Variants in ISLR2 observed in about 807,000 individuals in gnomAD.
ISLR2 encodes the protein immunoglobulin superfamily containing leucine-rich repeat protein 2.
A neutral mutation model predicts 25.5 loss-of-function variants in ISLR2; 16 were observed. The observed-to-expected ratio is 0.63, with a 90% CI of 0.43 to 0.95. ISLR2 has a LOEUF of 0.95. Among genes scored for constraint, ISLR2 ranks in the 40% least tolerant of loss-of-function variants. ISLR2 has a pLI of 0.00. For missense variants in ISLR2, 883 were observed against 1,030.7 expected (o/e 0.86, Z 1.96); for synonymous variants, 508 against 486.6 (o/e 1.04, Z -0.58).
intron 2 of ISLR2, among the ~76,000 whole-genome samples, chr15:74,107,724 C>T (rs2141927066): frequency 6.6e-6 from 1 of 152,358 alleles, no homozygotes; most frequent in Non-Finnish European, 1.5e-5. Context: ...TCCTCCTTGA[C>T]CTTTTCAGAG....
At chr15:74,125,015 T>G (rs1395272662), upstream of ISLR2, among the ~76,000 whole-genome samples, 1 of 152,168 alleles carries the variant, frequency 6.6e-6, no homozygotes, top group Non-Finnish European at 1.5e-5. Context: ...GGGAATCTTG[T>G]TATTTGCCGA....
At position 74,134,367 on chromosome 15, in the gene ISLR2, G is replaced by T; in HGVS notation, c.1613G>T (p.Gly538Val). The T allele has an allele frequency of 6.2e-7, 1 of 1,602,108 alleles. No homozygotes were observed. Among genetic ancestry groups the T allele is most frequent in the East Asian group, 2.2e-5 (1 of 44,510 alleles). ...CTCTATCTGTGTCCAGCGGGGGGCG[G>T]CGCGGCAGTGCAGTGGTCCCGCGTA... Reference protein sequence around the residue: ...RLLYLCPAGGGAAVQWSRVEE... With the variant: ...RLLYLCPAGGVAAVQWSRVEE... The change falls in exon 3 of 3, where the codon GGC becomes GTC. Residue 538 changes from glycine (G) to valine (V), a missense_variant. Transcript: ENST00000453268.
chr15:74,140,386 G>A (rs771887296), downstream of ISLR2, among the ~76,000 whole-genome samples: 1 of 152,140 alleles, frequency 6.6e-6, no homozygotes, highest in African/African-American at 2.4e-5. Context: ...AATGCATTTT[G>A]GTAGGTAGAG....
chr15:74,102,811 T>C (rs1398053557), intron 1 of ISLR2, among the ~76,000 whole-genome samples: 1 of 151,302 alleles, frequency 6.6e-6, no homozygotes, highest in Non-Finnish European at 1.5e-5. Flanking sequence ...TATTTCCCAA[T>C]AGGATTTTTT....
At position 74,132,658 on chromosome 15, in the gene ISLR2, C is replaced by T. The variant is rs2072448325; in HGVS notation, c.-8-89C>T. ...CCGGAGCCCTGGAACTAGTGCTAAA[C>T]GGGCTTGCGGAGGCACAGCTTGATA... On this transcript the variant is annotated intron_variant, in intron 2 of 2. Transcript: ENST00000453268. This position sits in a 1 kb window ranked among gnomAD's most constrained non-coding sequence, Gnocchi z 4.3. The T allele has an allele frequency of 4.1e-6, 6 of 1,481,102 alleles. No homozygotes were observed. Among genetic ancestry groups the T allele is most frequent in the Non-Finnish European group, 2.7e-6 (3 of 1,114,186 alleles). The allele number at this position is 1,481,102 out of a possible 1,614,324, so 91.7% of individuals were successfully genotyped here.
upstream of ISLR2, chr15:74,129,018 C>T (rs1026149734): frequency 1.1e-5 from 5 of 456,638 alleles, no homozygotes; most frequent in African/African-American, 8.0e-5. This position sits in a 1 kb window ranked among gnomAD's most constrained non-coding sequence, Gnocchi z 4.5. Flanking sequence ...CCGGCAGGGA[C>T]GGGTCACAGT....
chr15:74,138,446 C>T (rs1486542269), downstream of ISLR2: 8 of 152,606 alleles, frequency 5.2e-5, no homozygotes, highest in Admixed American at 3.9e-4. Flanking sequence ...TGGTGTGAGG[C>T]ATCTCACTTA....
At position 74,132,976 on chromosome 15, in the gene ISLR2, C is replaced by T; in HGVS notation, c.222C>T (p.Val74=). 1 of 1,614,026 alleles carries T rather than the reference C, an allele frequency of 6.2e-7. No homozygotes were observed. Among genetic ancestry groups the T allele is most frequent in the Non-Finnish European group, 8.5e-7 (1 of 1,179,950 alleles). Residue 74 remains valine (V), a synonymous_variant, in exon 3 of 3, where the codon GTC becomes GTT. Coordinates refer to ENST00000453268, the MANE Select transcript of ISLR2 (RefSeq NM_020851.3). The surrounding 1 kb of genome is among the most constrained non-coding windows in gnomAD (Gnocchi z 4.3). ...TVLRRGAFAD[V]TQVTSLWLAH... ...TGCGGCGCGGGGCCTTCGCCGACGTCACACAGGTCACGTCGCTGTGGCTGG... is the reference window on the plus strand; with the variant it reads ...TGCGGCGCGGGGCCTTCGCCGACGTTACACAGGTCACGTCGCTGTGGCTGG...
upstream of ISLR2, chr15:74,129,081 G>C: frequency 2.2e-6 from 1 of 456,582 alleles, no homozygotes; most frequent in East Asian, 7.0e-5. The surrounding 1 kb of genome is among the most constrained non-coding windows in gnomAD (Gnocchi z 4.5). Context: ...GGCGCCTTGC[G>C]CCCTCCCCAT....
At chr15:74,120,503 TAG>T (rs920796799) in intron 2 of ISLR2, among the ~76,000 whole-genome samples, 1 of 120,994 alleles carries the variant, frequency 8.3e-6, no homozygotes, top group East Asian at 2.3e-4. Flanking sequence ...GCCTGGGCAA[TAG>T]AGAGAGACTC....
intron 2 of ISLR2, among the ~76,000 whole-genome samples, chr15:74,118,179 G>A (rs1350632612): frequency 6.6e-6 from 1 of 152,070 alleles, no homozygotes; most frequent in Non-Finnish European, 1.5e-5. Flanking sequence ...GGGTGTCCGG[G>A]GGAGACATCA....
At chr15:74,104,571 C>T in intron 2 of ISLR2, among the ~76,000 whole-genome samples, 1 of 152,156 alleles carries the variant, frequency 6.6e-6, no homozygotes, top group South Asian at 2.1e-4. Flanking sequence ...TCTCTTGAGG[C>T]CAGGAGTTCA....
intron 2 of ISLR2, among the ~76,000 whole-genome samples, chr15:74,114,259 G>C (rs550011341): frequency 6.6e-6 from 1 of 152,216 alleles, no homozygotes; most frequent in South Asian, 2.1e-4. Context: ...TTTATGCTGG[G>C]AGACCATCAT....
rs747573131 is a variant in ISLR2 at position 74,133,162 on chromosome 15, C to T, written c.408C>T (p.Gly136=). The T allele has an allele frequency of 1.9e-6, 3 of 1,613,050 alleles. No homozygotes were observed. The highest frequency in any genetic ancestry group is 2.7e-5 in the African/African-American group (2 of 74,952). The change falls in exon 3 of 3, where the codon GGC becomes GGT. Residue 136 remains glycine, a synonymous_variant. Transcript: ENST00000453268. ...QLLKMNHNRL[G]SLPRDALGAL... is the part of the protein sequence containing the mutation. ...TCAAAATGAACCACAACCGCCTGGGCTCTCTGCCCCGGGACGCACTCGGTG... is the reference window on the plus strand; with the variant it reads ...TCAAAATGAACCACAACCGCCTGGGTTCTCTGCCCCGGGACGCACTCGGTG...
rs535130830 is a variant in ISLR2 at position 74,118,285 on chromosome 15, G to A, written n.229-12922G>A. 1.6e-3 allele frequency among the ~76,000 whole-genome samples: 240 copies of A among 152,232 alleles called. 1 individual carries two copies. Among genetic ancestry groups the A allele is most frequent in the Non-Finnish European group, 2.3e-3 (154 of 68,018 alleles). On this transcript the variant is annotated intron_variant and non_coding_transcript_variant, in intron 2 of 3. Transcript: ENST00000561975. Reference sequence around the variant, plus strand: ...GGGAGGGAGTGTACGAATAGGGTGTGGGTCACAGAGATCACATGCTTCACA... The same window carrying A: ...GGGAGGGAGTGTACGAATAGGGTGTAGGTCACAGAGATCACATGCTTCACA...
intron 2 of ISLR2, among the ~76,000 whole-genome samples, chr15:74,122,070 C>G (rs1301551044): frequency 6.6e-6 from 1 of 152,220 alleles, no homozygotes; most frequent in African/African-American, 2.4e-5. Context: ...GCCACACCTG[C>G]CCAAGAGCCT....
chr15:74,114,495 C>T (rs2072195334), intron 2 of ISLR2, among the ~76,000 whole-genome samples: 1 of 152,018 alleles, frequency 6.6e-6, no homozygotes, highest in South Asian at 2.1e-4. Flanking sequence ...CAGTGGCTCA[C>T]ACCTGTAATC....
intron 2 of ISLR2, among the ~76,000 whole-genome samples, chr15:74,118,076 G>A (rs1465545528): frequency 5.9e-5 from 9 of 152,176 alleles, no homozygotes; most frequent in Admixed American, 1.3e-4. Flanking sequence ...ATTCACCCCC[G>A]ATATTTCACA....
chr15:74,107,752 AT>A, intron 2 of ISLR2, among the ~76,000 whole-genome samples: 1 of 151,996 alleles, frequency 6.6e-6, no homozygotes, highest in East Asian at 1.9e-4. Flanking sequence ...CCCCACTTTC[AT>A]TTTCTACCTA....
Sources: gnomAD v4.1 joint callset for allele counts (sites outside exome capture counted in the v4.1 genomes callset) on GRCh38, gnomAD v4.1.1 for gene constraint, Gnocchi (gnomAD v3.1) non-coding constraint, MANE v1.5 for transcripts, NCBI Gene and HGNC (gene_info 2026-07-23, HGNC 2026-07-21) for gene names.